Variants in TRAF3IP1 observed in about 807,000 individuals in gnomAD.
TRAF3IP1 encodes the protein intraflagellar transport 54.
In TRAF3IP1, 53 loss-of-function variants were observed where a neutral mutation model predicts 89.9. The observed-to-expected ratio is 0.59, with a 90% confidence interval of 0.47 to 0.74. The LOEUF is 0.74. Ranked by LOEUF, TRAF3IP1 falls within the 30% of genes least tolerant of loss-of-function variation. The pLI is 0.00. For missense variants in TRAF3IP1, 806 were observed against 866.1 expected, an observed-to-expected ratio of 0.93 and a Z score of 0.87; for synonymous variants, 311 against 322.1, an observed-to-expected ratio of 0.97 and a Z score of 0.37.
intron 15 of TRAF3IP1, among the ~76,000 whole-genome samples, chr2:238,382,070 A>G (rs1375840289): frequency 6.6e-6 from 1 of 152,186 alleles, no homozygotes; most frequent in African/African-American, 2.4e-5. Flanking sequence ...GTTTGGGGCA[A>G]ACTTGAGAAG....
intron 1 of TRAF3IP1, among the ~76,000 whole-genome samples, chr2:238,322,646 A>C (rs13399852): frequency 0.12 from 17,853 of 144,758 alleles, 1,929 homozygotes; most frequent in African/African-American, 0.29. Context: ...TGTGATTGTA[A>C]CACTGCACTC....
intron 15 of TRAF3IP1, among the ~76,000 whole-genome samples, chr2:238,377,888 T>C (rs1250072093): frequency 6.6e-6 from 1 of 152,202 alleles, no homozygotes; most frequent in Non-Finnish European, 1.5e-5. Context: ...TATTCAGGCT[T>C]TTTAAAATGT....
At chr2:238,389,195 G>A (rs1371391520) in intron 15 of TRAF3IP1, among the ~76,000 whole-genome samples, 2 of 152,008 alleles carry the variant, frequency 1.3e-5, no homozygotes, top group African/African-American at 4.8e-5. Context: ...CTTCCGAGAG[G>A]GACTTCTGGC....
chr2:238,320,931 C>G (rs951996370), intron 1 of TRAF3IP1, 146 bp downstream of exon 1: 1 of 627,238 alleles, frequency 1.6e-6, no homozygotes, highest in Non-Finnish European at 2.2e-6. Flanking sequence ...GGAGTCGGGG[C>G]CCGGGCCGGG....
In TRAF3IP1 at chr2:238,369,474, G is replaced by C. The variant is rs1266822173; in HGVS notation, c.1689+13394G>C. 3.9e-5 allele frequency among the ~76,000 whole-genome samples: 6 copies of C among 152,218 alleles called. No individual in the cohort carries two copies. The East Asian group carries it at 1.2e-3, about 29-fold the overall frequency. On this transcript the variant is annotated intron_variant, in intron 15 of 16. Coordinates refer to ENST00000373327, the MANE Select transcript of TRAF3IP1 (RefSeq NM_015650.4). The stretch of plus-strand genomic sequence containing the variant: ...TGTAAGTTTCTTTCAGTCTCAAACA[G>C]TCTGTGCTCTTCCCTTGATTTGGCC...
intron 15 of TRAF3IP1, among the ~76,000 whole-genome samples, chr2:238,373,890 T>A (rs189943168): frequency 1.9e-4 from 29 of 152,284 alleles, no homozygotes; most frequent in African/African-American, 6.5e-4. Context: ...ATTCTCTTTG[T>A]AGCAATTGTG....
In TRAF3IP1 at chr2:238,351,864, T is replaced by TGTGTGTGC. The variant is rs1553614020; in HGVS notation, c.1452-960_1452-959insTGTGCGTG. The stretch of plus-strand genomic sequence containing the variant: ...GTGTGTGTGTGTGTGTGTGTGTGTG[T>TGTGTGTGC]GTGCGCGCGCGCGCGTGTGCGTGCA... On this transcript the variant is annotated intron_variant, in intron 12 of 16. Transcript: ENST00000373327. This position sits in a 1 kb window ranked among gnomAD's most constrained non-coding sequence, Gnocchi z 5.2. 8.9e-6 allele frequency among the ~76,000 whole-genome samples: 1 copy of TGTGTGTGC among 112,240 alleles called. No individual in the cohort carries two copies. The highest frequency in any genetic ancestry group is 4.4e-5 in the African/African-American group (1 of 22,536). 73.6% of individuals were successfully genotyped at this position (112,240 alleles called of 152,430 possible). A position where few individuals can be genotyped will look rare whatever the true frequency, so the allele number is the denominator to read the frequency against.
At position 238,397,677 on chromosome 2, in the gene TRAF3IP1, G is replaced by C; in HGVS notation, c.1908G>C (p.Gln636His). 1.2e-6 allele frequency: 2 copies of C among 1,606,498 alleles called. No homozygotes were observed. The highest frequency in any genetic ancestry group is 1.7e-6 in the Non-Finnish European group (2 of 1,177,664). Residue 636 changes from glutamine to histidine, a missense_variant and splice_region_variant, in exon 16 of 17, where the codon CAG (glutamine) becomes CAC (histidine). Transcript: ENST00000373327. ...ACGCCGAGGCCCTGCAGCAGGAGCA[G>C]AGGTGGGGGGTAGTAATGGGGAGGG... ...RQHAEALQQE[Q>H]RITDCAVEPL...
In TRAF3IP1 at chr2:238,320,655, AC is replaced by A. The variant is rs1185456889; in HGVS notation, c.-7del. ...GGCGCGGGCGGCCAGCGGGCGGCGG[AC>A]GCCGTCATGAACGCGGCGGTGGTGA... On this transcript the variant is annotated 5_prime_UTR_variant, in exon 1 of 17. Transcript: ENST00000373327. 1 of 1,347,856 alleles carries A rather than the reference AC, an allele frequency of 7.4e-7. No homozygotes were observed. Among genetic ancestry groups the A allele is most frequent in the Non-Finnish European group, 9.7e-7 (1 of 1,032,262 alleles). 83.5% of individuals were successfully genotyped at this position (1,347,856 alleles called of 1,614,324 possible). A position where few individuals can be genotyped will look rare whatever the true frequency, so the allele number is the denominator to read the frequency against.
At chr2:238,323,674 AC>A (rs1359287182) in intron 1 of TRAF3IP1, among the ~76,000 whole-genome samples, 1 of 152,188 alleles carries the variant, frequency 6.6e-6, no homozygotes, top group Non-Finnish European at 1.5e-5. Flanking sequence ...TTATTAGCTG[AC>A]CTAGGATATG....
intron 15 of TRAF3IP1, among the ~76,000 whole-genome samples, chr2:238,363,257 G>A (rs1435138930): frequency 6.6e-6 from 1 of 152,034 alleles, no homozygotes; most frequent in Non-Finnish European, 1.5e-5. Flanking sequence ...AAAGCACACA[G>A]CTCCTTTATT....
intron 6 of TRAF3IP1, 34 bp from the exon 7 acceptor site, chr2:238,333,926 T>C: frequency 1.3e-6 from 2 of 1,530,738 alleles, no homozygotes; most frequent in Non-Finnish European, 1.8e-6. Flanking sequence ...GTGTAATACA[T>C]CAATTAATTT....
At chr2:238,333,801 G>A (rs1698244300) in intron 6 of TRAF3IP1, among the ~76,000 whole-genome samples, 159 bp from the exon 7 acceptor site, 1 of 152,156 alleles carries the variant, frequency 6.6e-6, no homozygotes, top group Non-Finnish European at 1.5e-5. Context: ...CACAGTCTCA[G>A]GTCTTGAGTC....
chr2:238,356,817 C>T (rs1185968283), intron 15 of TRAF3IP1, among the ~76,000 whole-genome samples: 4 of 148,044 alleles, frequency 2.7e-5, no homozygotes, highest in African/African-American at 5.0e-5. Flanking sequence ...CTCGCTCTGT[C>T]GCCCAGGCTG....
intron 1 of TRAF3IP1, among the ~76,000 whole-genome samples, chr2:238,323,048 A>T: frequency 6.6e-6 from 1 of 151,816 alleles, no homozygotes; most frequent in Admixed American, 6.6e-5. Flanking sequence ...CTGTGACGTT[A>T]ATGTCTCTTG....
intron 15 of TRAF3IP1, among the ~76,000 whole-genome samples, chr2:238,367,774 G>A (rs1699946274): frequency 6.6e-6 from 1 of 152,190 alleles, no homozygotes; most frequent in South Asian, 2.1e-4. Flanking sequence ...GCACTCCAGA[G>A]CCTGGATCCA....
At chr2:238,325,512 T>A in intron 2 of TRAF3IP1, 138 bp downstream of exon 2, 1 of 824,004 alleles carries the variant, frequency 1.2e-6, no homozygotes, top group South Asian at 1.6e-5. Context: ...TAAATTGATA[T>A]ATATACCCTT....
chr2:238,369,826 T>C (rs1700032195), intron 15 of TRAF3IP1, among the ~76,000 whole-genome samples: 1 of 152,162 alleles, frequency 6.6e-6, no homozygotes, highest in Non-Finnish European at 1.5e-5. Flanking sequence ...GTTTAATCAT[T>C]TGTTTGTATC....
intron 15 of TRAF3IP1, among the ~76,000 whole-genome samples, chr2:238,363,707 A>G (rs1370075541): frequency 6.6e-6 from 1 of 152,186 alleles, no homozygotes; most frequent in Non-Finnish European, 1.5e-5. Context: ...CACACCTGTA[A>G]TCCCAGCACT....
Sources: gnomAD v4.1 joint callset for allele counts (sites outside exome capture counted in the v4.1 genomes callset) on GRCh38, gnomAD v4.1.1 for gene constraint, Gnocchi (gnomAD v3.1) non-coding constraint, MANE v1.5 for transcripts, NCBI Gene and HGNC (gene_info 2026-07-23, HGNC 2026-07-21) for gene names.